Variants in MYCBP2 observed in about 807,000 individuals in gnomAD.
MYCBP2 encodes E3 ubiquitin-protein ligase MYCBP2.
Under a neutral mutation model 525.3 loss-of-function variants are expected in MYCBP2, and 120 were observed. The observed-to-expected ratio is 0.23, with a 90% CI of 0.20 to 0.27. The LOEUF is 0.27. Ranked by LOEUF, MYCBP2 falls within the 10% of genes least tolerant of loss-of-function variation. The pLI, the probability that MYCBP2 is intolerant of heterozygous loss-of-function variation, is 1.00. For synonymous variants in MYCBP2, 1,894 were observed against 1,955.8 expected (o/e 0.97, Z 0.83); for missense variants, 4,149 against 5,657.1 (o/e 0.73, Z 8.55).
chr13:77,079,446 A>T (rs2042909020), intron 65 of MYCBP2, among the ~76,000 whole-genome samples: 1 of 152,198 alleles, frequency 6.6e-6, no homozygotes, highest in Non-Finnish European at 1.5e-5. Context: ...CTAGTGTCAA[A>T]TATCTTAAGG....
chr13:77,296,497 C>A, intron 2 of MYCBP2, 102 bp downstream of exon 2: 1 of 1,276,892 alleles, frequency 7.8e-7, no homozygotes. Context: ...TACTTCAGCA[C>A]ATACTAATAA....
Position 77,098,897 on chromosome 13 carries a change from C to T in MYCBP2, c.8257G>A (p.Ala2753Thr), listed in dbSNP as rs766435602. The T allele has an allele frequency of 3.1e-6, 5 of 1,613,714 alleles. No homozygotes were observed. In the South Asian group the frequency reaches 5.5e-5, roughly 18 times the overall value. Residue 2753 changes from alanine (A) to threonine (T), a missense_variant, in exon 56 of 83, where the codon GCT becomes ACT. Around this residue, in one of 21 missense-constraint regions of MYCBP2, gnomAD observed 653 missense variants for 744.7 expected, o/e 0.88. Coordinates refer to ENST00000544440, the MANE Select transcript of MYCBP2 (RefSeq NM_015057.5). ...KPDGRMSRTT[A>T]DQKKPRGTES... ...GTGCCCCTTGGCTTCTTCTGATCAG[C>T]AGTAGTCCGGCTCATACGTCCATCA...
In MYCBP2 at chr13:77,261,764, T is replaced by C. The variant is rs2073326374; in HGVS notation, c.1647+289A>G. 2.0e-5 allele frequency among the ~76,000 whole-genome samples: 3 copies of C among 151,604 alleles called. No individual in the cohort carries two copies. The South Asian group carries it at 6.3e-4, about 32-fold the overall frequency. ...AGAGACACAAAGTGAGCACAGGCGG[T>C]TAGAAAAATGATGCCAACAGACTTG... On this transcript the variant is annotated intron_variant, in intron 11 of 82. Coordinates refer to ENST00000544440, the MANE Select transcript of MYCBP2 (RefSeq NM_015057.5).
intron 82 of MYCBP2, among the ~76,000 whole-genome samples, chr13:77,046,034 T>C (rs2035496612): frequency 2.0e-5 from 3 of 152,192 alleles, no homozygotes; most frequent in Admixed American, 6.5e-5. Flanking sequence ...TGAAGGATAT[T>C]AGCAGGAAAA....
At chr13:77,093,943 C>T (rs182751309) in intron 58 of MYCBP2, among the ~76,000 whole-genome samples, 4 of 152,232 alleles carry the variant, frequency 2.6e-5, no homozygotes, top group East Asian at 1.9e-4. Context: ...GCATTTTTCA[C>T]GTTTTACAAT....
At chr13:77,273,120 A>T (rs559794495) in intron 5 of MYCBP2, among the ~76,000 whole-genome samples, 1 of 152,350 alleles carries the variant, frequency 6.6e-6, no homozygotes, top group Non-Finnish European at 1.5e-5. Flanking sequence ...TAGAGAAAAG[A>T]TATTTAAAAC....
In MYCBP2 at chr13:77,257,503, A is replaced by C. The variant is rs192484938; in HGVS notation, c.2176+168T>G. Among the ~76,000 whole-genome samples, 716 of 152,214 alleles carry C rather than the reference A, an allele frequency of 4.7e-3. 3 individuals carry two copies. Among genetic ancestry groups the C allele is most frequent in the African/African-American group, 0.015 (627 of 41,536 alleles). On this transcript the variant is annotated intron_variant, in intron 14 of 82. Transcript: ENST00000544440. Reference sequence around the variant, plus strand: ...TATCAAAACAACTCATGTACCCCATACATATACCTACTATCTACCCATAAA... The same window carrying C: ...TATCAAAACAACTCATGTACCCCATCCATATACCTACTATCTACCCATAAA...
At chr13:77,132,542 A>C (rs943590036) in intron 52 of MYCBP2, among the ~76,000 whole-genome samples, 2 of 152,178 alleles carry the variant, frequency 1.3e-5, no homozygotes, top group Non-Finnish European at 2.9e-5. Flanking sequence ...AAATGCATGG[A>C]GATATACAGA....
chr13:77,214,077 C>T lies in MYCBP2; in HGVS notation c.3058-1917G>A, dbSNP rs539230578. 1.7e-3 allele frequency among the ~76,000 whole-genome samples: 264 copies of T among 152,268 alleles called. 1 individual carries two copies. Among genetic ancestry groups the T allele is most frequent in the Middle Eastern group, 0.014 (4 of 294 alleles). ...AATGCCAAAATACTAAATATGGATC[C>T]GAACTTTGAGGATCAGAGCACCAAC... On this transcript the variant is annotated intron_variant, in intron 21 of 82. Transcript: ENST00000544440.
intron 82 of MYCBP2, among the ~76,000 whole-genome samples, chr13:77,050,593 C>G (rs2036584720): frequency 6.6e-6 from 1 of 151,850 alleles, no homozygotes; most frequent in Non-Finnish European, 1.5e-5. Flanking sequence ...CTACTGATTC[C>G]CAGCCATTCT....
At chr13:77,264,270 T>C (rs1248829161) in intron 8 of MYCBP2, among the ~76,000 whole-genome samples, 2 of 152,034 alleles carry the variant, frequency 1.3e-5, no homozygotes, top group East Asian at 3.8e-4. Flanking sequence ...TTAGATATAG[T>C]CTGACAGTAA....
intron 1 of MYCBP2, among the ~76,000 whole-genome samples, chr13:77,311,396 T>A (rs1444117070): frequency 5.9e-5 from 9 of 152,068 alleles, no homozygotes; most frequent in Admixed American, 2.0e-4. Context: ...GTGAACAACT[T>A]CAAGGGAAGA....
intron 17 of MYCBP2, among the ~76,000 whole-genome samples, chr13:77,234,381 T>C (rs908144782): frequency 6.6e-6 from 1 of 152,022 alleles, no homozygotes; most frequent in Non-Finnish European, 1.5e-5. Context: ...TTAATTTTTC[T>C]AATGATGGGA....
chr13:77,205,469 A>G lies in MYCBP2; in HGVS notation c.3715+4T>C. On this transcript the variant is annotated splice_donor_region_variant and intron_variant, in intron 25 of 82. Transcript: ENST00000544440. The stretch of plus-strand genomic sequence containing the variant: ...CAACATTTCCTAAACCGAAGTATAC[A>G]TACTTTCAAACCTGTTTACCACACT... The G allele has an allele frequency of 6.2e-7, 1 of 1,613,042 alleles. No individual in the cohort carries two copies. The highest frequency in any genetic ancestry group is 8.5e-7 in the Non-Finnish European group (1 of 1,179,648).
In MYCBP2 at chr13:77,125,375, T is replaced by C. The variant is rs761617783; in HGVS notation, c.7978A>G (p.Arg2660Gly). 4 of 1,613,884 alleles carry C rather than the reference T, an allele frequency of 2.5e-6. No individual in the cohort carries two copies. The African/African-American group carries it at 4.0e-5, about 16-fold the overall frequency. The change falls in exon 54 of 83, where the codon AGA becomes GGA. Residue 2660 changes from arginine (R) to glycine (G), a missense_variant. Arg to Gly is a moderately radical substitution (Grantham distance 125, BLOSUM62 -2). This residue lies in a region of MYCBP2 where 653 missense variants were observed against 744.7 expected (regional missense o/e 0.88). Transcript: ENST00000544440. ...AGGTACTGGTTTCCGCCTCTGTCTC[T>C]AGCTAAGGACCATGCCTCTCCTTCA... ...SDEGEAWSLA[R>G]DRGGNQYLRH...
At chr13:77,213,991 G>A (rs1249386138) in intron 21 of MYCBP2, among the ~76,000 whole-genome samples, 2 of 152,178 alleles carry the variant, frequency 1.3e-5, no homozygotes, top group East Asian at 1.9e-4. Context: ...GGACAGAGGC[G>A]TGTGAAGAAG....
chr13:77,209,904 T>C (rs2063771516), intron 23 of MYCBP2, among the ~76,000 whole-genome samples: 2 of 152,244 alleles, frequency 1.3e-5, no homozygotes, highest in South Asian at 4.1e-4. Flanking sequence ...TGAGATCATC[T>C]ATCCCATTGC....
chr13:77,073,474 C>T (rs1419058365), intron 68 of MYCBP2, among the ~76,000 whole-genome samples: 1 of 152,090 alleles, frequency 6.6e-6, no homozygotes, highest in Admixed American at 6.5e-5. Context: ...TTTCAAGATC[C>T]AGAACAAGTC....
intron 26 of MYCBP2, among the ~76,000 whole-genome samples, chr13:77,199,275 G>A (rs1566896832): frequency 6.6e-6 from 1 of 152,250 alleles, no homozygotes; most frequent in South Asian, 2.1e-4. Flanking sequence ...AAAGAAAGGG[G>A]TGACAGACGG....
Sources: gnomAD v4.1 joint callset for allele counts (sites outside exome capture counted in the v4.1 genomes callset) on GRCh38, gnomAD v4.1.1 for gene constraint, gnomAD v4.1.1 regional missense constraint, MANE v1.5 for transcripts, NCBI Gene and HGNC (gene_info 2026-07-23, HGNC 2026-07-21) for gene names.